AIFM3: variants seen among roughly 807,000 people sequenced by gnomAD.
AIFM3 encodes the protein AIF family member 3, also known as apoptosis-inducing factor 3.
In AIFM3, 71 loss-of-function variants were observed where a neutral mutation model predicts 82.7. The observed-to-expected ratio is 0.86, with a 90% confidence interval of 0.71 to 1.05. The LOEUF (loss-of-function observed/expected upper bound fraction) is 1.05, where lower values mean the gene tolerates loss of function less well. AIFM3 is among the 50% of genes least tolerant of loss of function. The probability of loss-of-function intolerance (pLI) is 0.00; values close to 1 mark genes in which losing one functional copy is unlikely to be tolerated. For synonymous variants in AIFM3, 337 were observed against 329.1 expected (o/e 1.02, Z -0.26); for missense variants, 748 against 816.7 (o/e 0.92, Z 1.03).
chr22:20,968,435 G>T lies in AIFM3; in HGVS notation c.31+460G>T, dbSNP rs536211233. ...CCCTGACCTCTTAGAGTTGCTGTGA[G>T]GGTGTAGTGGGCAGATCCTGGCTCT... On this transcript the variant is annotated intron_variant, in intron 2 of 20. Transcript: ENST00000440238. 3.3e-5 allele frequency among the ~76,000 whole-genome samples: 5 copies of T among 152,252 alleles called. No individual in the cohort carries two copies. The South Asian group carries it at 1.0e-3, about 32-fold the overall frequency.
intron 18 of AIFM3, 83 bp from the exon 19 acceptor site, chr22:20,979,937 C>G: frequency 7.4e-7 from 1 of 1,355,692 alleles, no homozygotes; most frequent in South Asian, 1.3e-5. Context: ...TCCCTGGGCC[C>G]CAGATGGACA....
intron 6 of AIFM3, 106 bp downstream of exon 6, chr22:20,974,402 G>A: frequency 6.4e-7 from 1 of 1,565,310 alleles, no homozygotes; most frequent in East Asian, 2.3e-5. Context: ...CTTGGCACGT[G>A]TCACTGGAGC....
intron 8 of AIFM3, among the ~76,000 whole-genome samples, chr22:20,975,345 G>A (rs1227514199): frequency 1.3e-5 from 2 of 150,498 alleles, no homozygotes; most frequent in Admixed American, 6.6e-5. Flanking sequence ...CTGCAGCGTC[G>A]ACCTCCACCT....
At chr22:20,975,807 C>T (rs1204646940) in intron 9 of AIFM3, 29 bp downstream of exon 9, 5 of 1,606,326 alleles carry the variant, frequency 3.1e-6, no homozygotes, top group Admixed American at 1.7e-5. Flanking sequence ...GAAACAGGCC[C>T]GAGGAGGGAA....
At chr22:20,979,894 T>C in intron 18 of AIFM3, 126 bp from the exon 19 acceptor site, 1 of 1,119,696 alleles carries the variant, frequency 8.9e-7, no homozygotes, top group Non-Finnish European at 1.3e-6. Context: ...GGCTGGGTGC[T>C]CAGGCCATTC....
chr22:20,977,495 G>A (rs1923764038), intron 14 of AIFM3: 2 of 634,904 alleles, frequency 3.2e-6, no homozygotes, highest in African/African-American at 1.8e-5. Context: ...GCACTTCTTG[G>A]AGAAGGTGAT....
intron 15 of AIFM3, 30 bp downstream of exon 15, chr22:20,977,806 C>A (rs772893617): frequency 6.2e-7 from 1 of 1,614,064 alleles, no homozygotes; most frequent in Non-Finnish European, 8.5e-7. Context: ...GTGGGGAGGA[C>A]CCGGTGCTGG....
intron 8 of AIFM3, 130 bp from the exon 9 acceptor site, chr22:20,975,562 G>C: frequency 1.2e-6 from 1 of 815,232 alleles, no homozygotes; most frequent in Non-Finnish European, 2.1e-6. Flanking sequence ...GAGTCACTGC[G>C]CCTGGCCAGA....
chr22:20,977,103 G>T lies in AIFM3; in HGVS notation c.1282+8G>T. On this transcript the variant is annotated splice_region_variant and intron_variant, in intron 14 of 20. Transcript: ENST00000440238. Reference sequence around the variant, plus strand: ...TCTGCGTGGTGGGCATTGGTGAGTTGGTGTGTGGGCAGGCAGGCACAAAGC... The same window carrying T: ...TCTGCGTGGTGGGCATTGGTGAGTTTGTGTGTGGGCAGGCAGGCACAAAGC... 6.2e-7 allele frequency: 1 copy of T among 1,613,972 alleles called. No individual in the cohort carries two copies. Among genetic ancestry groups the T allele is most frequent in the Non-Finnish European group, 8.5e-7 (1 of 1,180,016 alleles).
Position 20,981,066 on chromosome 22 carries a change from GCAC to G in AIFM3, c.*38_*40del. 1 of 1,613,506 alleles carries G rather than the reference GCAC, an allele frequency of 6.2e-7. No individual in the cohort carries two copies. The highest frequency in any genetic ancestry group is 8.5e-7 in the Non-Finnish European group (1 of 1,179,680). ...CAGTAGACTTGGGCAGGCAAAGGGG[GCAC>G]CAAGGGCACAGGCCAAGCCTTGGGG... On this transcript the variant is annotated 3_prime_UTR_variant, in exon 21 of 21. Coordinates refer to ENST00000440238, the MANE Select transcript of AIFM3 (RefSeq NM_001386814.1).
chr22:20,979,810 T>C (rs1923967447), intron 18 of AIFM3, 108 bp downstream of exon 18: 1 of 1,409,104 alleles, frequency 7.1e-7, no homozygotes, highest in Non-Finnish European at 9.9e-7. Flanking sequence ...TGAGCCCCGC[T>C]GAGGAGTGCT....
intron 8 of AIFM3, among the ~76,000 whole-genome samples, 181 bp from the exon 9 acceptor site, chr22:20,975,511 C>A (rs1035758127): frequency 2.6e-5 from 4 of 152,234 alleles, no homozygotes; most frequent in African/African-American, 9.6e-5. Flanking sequence ...TTCAAGCGAT[C>A]CTCCTGTCTC....
chr22:20,980,919 C>T, intron 20 of AIFM3, 73 bp from the exon 21 acceptor site: 1 of 1,611,608 alleles, frequency 6.2e-7, no homozygotes. Flanking sequence ...CCTCAAGGGC[C>T]AGCTGTTCAG....
At position 20,976,641 on chromosome 22, in the gene AIFM3, C is replaced by G; in HGVS notation, c.1031-10C>G. 1.2e-6 allele frequency: 2 copies of G among 1,611,166 alleles called. No individual in the cohort carries two copies. The highest frequency in any genetic ancestry group is 1.7e-6 in the Non-Finnish European group (2 of 1,178,646). On this transcript the variant is annotated splice_polypyrimidine_tract_variant and intron_variant, in intron 11 of 20. Coordinates refer to ENST00000440238, the MANE Select transcript of AIFM3 (RefSeq NM_001386814.1). The stretch of plus-strand genomic sequence containing the variant: ...CAGGTGCCAGCCTGCCACCCCCTGC[C>G]CATCACCAGGGATGGAGGTGGCCGC...
rs756928795 is a variant in AIFM3 at position 20,980,070 on chromosome 22, C to G, written c.1703C>G (p.Ser568Cys). The G allele has an allele frequency of 6.2e-7, 1 of 1,611,254 alleles. No homozygotes were observed. The highest frequency in any genetic ancestry group is 2.2e-5 in the East Asian group (1 of 44,882). ...VASMNYDPIV[S>C]KVAEVLASGR... ...AGCATGAACTACGATCCCATTGTGT[C>G]CAAGGTCGCTGAGGTGCTGGCCTCA... is the stretch of plus-strand genomic sequence containing the variant. The change falls in exon 19 of 21, where the codon TCC becomes TGC. Residue 568 changes from serine (S) to cysteine (C), a missense_variant. Physicochemically the swap from Ser to Cys is moderately radical, Grantham distance 112 (BLOSUM62 -1). Around this residue, in one of 5 missense-constraint regions of AIFM3, gnomAD observed 183 missense variants for 158.2 expected, o/e 1.16. Coordinates refer to ENST00000440238, the MANE Select transcript of AIFM3 (RefSeq NM_001386814.1).
At chr22:20,972,599 C>T (rs1923342238) in intron 2 of AIFM3, among the ~76,000 whole-genome samples, 1 of 152,226 alleles carries the variant, frequency 6.6e-6, no homozygotes, top group African/African-American at 2.4e-5. Context: ...GTACATGAGT[C>T]ATACCCTGAG....
At chr22:20,972,278 T>C (rs1268610335) in intron 2 of AIFM3, among the ~76,000 whole-genome samples, 5 of 152,040 alleles carry the variant, frequency 3.3e-5, no homozygotes, top group Admixed American at 1.3e-4. Flanking sequence ...GGCACACGCC[T>C]GTAATCCCAG....
At chr22:20,968,577 A>T (rs1923067052) in intron 2 of AIFM3, among the ~76,000 whole-genome samples, 1 of 152,070 alleles carries the variant, frequency 6.6e-6, no homozygotes, top group Admixed American at 6.5e-5. Context: ...CTCCAGCCAG[A>T]AGTGGGAGTG....
At position 20,975,797 on chromosome 22, in the gene AIFM3, G is replaced by A; in HGVS notation, c.807+19G>A. On this transcript the variant is annotated intron_variant, in intron 9 of 20. Coordinates refer to ENST00000440238, the MANE Select transcript of AIFM3 (RefSeq NM_001386814.1). ...GGCTCAGGTACAGGGTCAAGGGTGG[G>A]AAACAGGCCCGAGGAGGGAAGGTGG... is the stretch of plus-strand genomic sequence containing the variant. 6.2e-7 allele frequency: 1 copy of A among 1,609,534 alleles called. No homozygotes were observed.
Sources: gnomAD v4.1 joint callset for allele counts (sites outside exome capture counted in the v4.1 genomes callset) on GRCh38, gnomAD v4.1.1 for gene constraint, gnomAD v4.1.1 regional missense constraint, MANE v1.5 for transcripts, NCBI Gene and HGNC (gene_info 2026-07-23, HGNC 2026-07-21) for gene names.